Variants in RPAP2 observed in about 807,000 individuals in gnomAD.
The protein encoded by RPAP2 is putative RNA polymerase II subunit B1 CTD phosphatase RPAP2.
In RPAP2, 52 loss-of-function variants were observed where a neutral mutation model predicts 73.1. The ratio of observed to expected loss-of-function variants is 0.71; its 90% CI spans 0.57 to 0.90. The LOEUF (loss-of-function observed/expected upper bound fraction) is 0.90. Among genes scored for constraint, RPAP2 ranks in the 40% least tolerant of loss-of-function variants. The pLI, the probability that RPAP2 is intolerant of heterozygous loss-of-function variation, is 0.00. For missense variants in RPAP2, 598 were observed against 701.8 expected (o/e 0.85, Z 1.67); for synonymous variants, 225 against 242.1 (o/e 0.93, Z 0.65).
chr1:92,378,147 AGTC>A (rs1186704626), intron 11 of RPAP2, among the ~76,000 whole-genome samples: 1 of 152,192 alleles, frequency 6.6e-6, no homozygotes, highest in African/African-American at 2.4e-5. Flanking sequence ...AAGTCAGAGA[AGTC>A]GTTTTGGATG....
chr1:92,320,047 C>T (rs1224693175), intron 6 of RPAP2, among the ~76,000 whole-genome samples: 1 of 151,488 alleles, frequency 6.6e-6, no homozygotes, highest in East Asian at 1.9e-4. Context: ...GGTAATGGTT[C>T]TAGTAGTAGG....
chr1:92,301,820 G>A (rs1211224834), intron 3 of RPAP2, among the ~76,000 whole-genome samples: 3 of 152,156 alleles, frequency 2.0e-5, no homozygotes, highest in Non-Finnish European at 2.9e-5. Flanking sequence ...GTGATGACAC[G>A]TAATGTATAT....
In RPAP2 at chr1:92,350,537, A is replaced by T. The variant is rs1654148233; in HGVS notation, c.1688+4623A>T. ...AAGGTACTATATAGTGAAATAATACAGAGTTGAACCTGATTTTCTTAACTA... is the reference window on the plus strand; with the variant it reads ...AAGGTACTATATAGTGAAATAATACTGAGTTGAACCTGATTTTCTTAACTA... On this transcript the variant is annotated intron_variant, in intron 11 of 12. Transcript: ENST00000610020. Among the ~76,000 whole-genome samples the T allele has an allele frequency of 2.0e-5, 3 of 152,256 alleles. No homozygotes were observed. The South Asian group carries it at 6.2e-4, about 31-fold the overall frequency.
intron 12 of RPAP2, among the ~76,000 whole-genome samples, chr1:92,382,503 C>G (rs998855849): frequency 5.3e-5 from 8 of 152,098 alleles, no homozygotes; most frequent in African/African-American, 1.9e-4. Flanking sequence ...TTTTGATTTG[C>G]ATTTCTCTGA....
intron 10 of RPAP2, among the ~76,000 whole-genome samples, chr1:92,338,989 TAA>T (rs1320340277): frequency 6.6e-6 from 1 of 152,182 alleles, no homozygotes; most frequent in Non-Finnish European, 1.5e-5. Context: ...AGCAAACCGA[TAA>T]AGTTATGCTG....
chr1:92,302,750 C>T (rs564385264), intron 3 of RPAP2, among the ~76,000 whole-genome samples: 49 of 151,618 alleles, frequency 3.2e-4, no homozygotes, highest in Non-Finnish European at 6.3e-4. Flanking sequence ...TGGGCGCCCA[C>T]CATTACGCCC....
At chr1:92,343,515 A>C (rs60755573) in intron 10 of RPAP2, among the ~76,000 whole-genome samples, 5,632 of 152,280 alleles carry the variant, frequency 0.037, 265 homozygotes, top group African/African-American at 0.11. Flanking sequence ...GATGGGGAAA[A>C]TTCAGATTAA....
At chr1:92,373,755 A>ATT (rs1557630336) in intron 11 of RPAP2, among the ~76,000 whole-genome samples, 2 of 145,940 alleles carry the variant, frequency 1.4e-5, no homozygotes, top group African/African-American at 5.0e-5. Flanking sequence ...AAAAAAAAAA[A>ATT]AAAAAAAAAA....
At chr1:92,352,548 A>G (rs757695329) in intron 11 of RPAP2, among the ~76,000 whole-genome samples, 1 of 152,214 alleles carries the variant, frequency 6.6e-6, no homozygotes, top group African/African-American at 2.4e-5. Context: ...ATTGGTTACA[A>G]GTATTCCCAA....
rs1397558267 is a variant in RPAP2, at chr1:92,301,456, G to C, written c.120-20G>C. 4 of 1,341,868 alleles carry C rather than the reference G, an allele frequency of 3.0e-6. No homozygotes were observed. Among genetic ancestry groups the C allele is most frequent in the African/African-American group, 1.5e-5 (1 of 68,444 alleles). The allele number at this position is 1,341,868 out of a possible 1,614,324, so 83.1% of individuals were successfully genotyped here. A position where few individuals can be genotyped will look rare whatever the true frequency, so the allele number is the denominator to read the frequency against. ...GACATGAAGCTTTTAAGTAGATTAAGTTTCTCTTTCAAATTTTAGGAAAGC... is the reference window on the plus strand; with the variant it reads ...GACATGAAGCTTTTAAGTAGATTAACTTTCTCTTTCAAATTTTAGGAAAGC... On this transcript the variant is annotated intron_variant, in intron 2 of 12. Coordinates refer to ENST00000610020, the MANE Select transcript of RPAP2 (RefSeq NM_024813.3).
chr1:92,307,329 T>G (rs567529243), intron 6 of RPAP2, 53 bp downstream of exon 6: 8 of 1,281,596 alleles, frequency 6.2e-6, no homozygotes, highest in African/African-American at 6.0e-5. Flanking sequence ...AATAATTTGT[T>G]TCTGCTTTTT....
chr1:92,385,249 G>A (rs1262976001), intron 12 of RPAP2, among the ~76,000 whole-genome samples: 1 of 151,572 alleles, frequency 6.6e-6, no homozygotes, highest in African/African-American at 2.4e-5. Flanking sequence ...TTCTAAACCT[G>A]CTGTAATGAA....
intron 3 of RPAP2, among the ~76,000 whole-genome samples, chr1:92,303,164 C>T (rs530393554): frequency 6.6e-6 from 1 of 152,274 alleles, no homozygotes; most frequent in African/African-American, 2.4e-5. Context: ...TACAAAAACA[C>T]TTCTTAGTGT....
chr1:92,311,398 T>G (rs889078729), intron 6 of RPAP2, among the ~76,000 whole-genome samples: 13 of 152,230 alleles, frequency 8.5e-5, no homozygotes, highest in Admixed American at 4.6e-4. Flanking sequence ...CTAGAGAAAC[T>G]TATACTACCT....
chr1:92,302,022 T>C (rs1358464106), intron 3 of RPAP2, among the ~76,000 whole-genome samples: 1 of 152,168 alleles, frequency 6.6e-6, no homozygotes, highest in Non-Finnish European at 1.5e-5. Context: ...CAATGGCTCA[T>C]GTAATCCCAG....
rs367972452 is a variant in RPAP2, at chr1:92,309,374, G to A, written c.488+2098G>A. 6.3e-4 allele frequency among the ~76,000 whole-genome samples: 96 copies of A among 151,460 alleles called. 1 individual carries two copies. Among genetic ancestry groups the A allele is most frequent in the African/African-American group, 2.2e-3 (89 of 41,264 alleles). ...GGAGAATTGCTTGAACCTGGGAGGC[G>A]GAGGTTGCAGTGAGCTGAGATCGTG... is the stretch of plus-strand genomic sequence containing the variant. On this transcript the variant is annotated intron_variant, in intron 6 of 12. Coordinates refer to ENST00000610020, the MANE Select transcript of RPAP2 (RefSeq NM_024813.3).
chr1:92,382,328 C>T (rs1306060393), intron 12 of RPAP2, among the ~76,000 whole-genome samples: 8 of 152,130 alleles, frequency 5.3e-5, no homozygotes, highest in African/African-American at 1.9e-4. Context: ...AGATCTAGAT[C>T]CCTGAGGAAT....
chr1:92,353,393 A>G (rs767296883), intron 11 of RPAP2, among the ~76,000 whole-genome samples: 19 of 152,192 alleles, frequency 1.2e-4, no homozygotes, highest in Non-Finnish European at 1.6e-4. Flanking sequence ...AGGCTTATAT[A>G]TGCAGTTTCC....
Position 92,380,768 on chromosome 1 carries a change from T to A in RPAP2, c.1733T>A (p.Met578Lys). 6.2e-7 allele frequency: 1 copy of A among 1,600,778 alleles called. No homozygotes were observed. The highest frequency in any genetic ancestry group is 1.1e-5 in the South Asian group (1 of 87,924). ...LGIQKHSQEGMVFTRFLDTLL... is the reference protein window; with the variant it reads ...LGIQKHSQEGKVFTRFLDTLL... ...ATTCAGAAACATTCTCAGGAAGGTATGGTGTTTACACGGTTTCTAGACACC... is the reference window on the plus strand; with the variant it reads ...ATTCAGAAACATTCTCAGGAAGGTAAGGTGTTTACACGGTTTCTAGACACC... The change falls in exon 12 of 13, where the codon ATG becomes AAG. Residue 578 changes from methionine to lysine, a missense_variant. Transcript: ENST00000610020.
Sources: gnomAD v4.1 joint callset for allele counts (sites outside exome capture counted in the v4.1 genomes callset) on GRCh38, gnomAD v4.1.1 for gene constraint, MANE v1.5 for transcripts, NCBI Gene and HGNC (gene_info 2026-07-23, HGNC 2026-07-21) for gene names.